Variants in BTD observed in about 807,000 individuals in gnomAD.
BTD encodes biocytinase.
Under a neutral mutation model 17.7 loss-of-function variants are expected in BTD, and 13 were observed. The observed-to-expected ratio is 0.74, with a 90% CI of 0.48 to 1.17. The LOEUF is 1.17. BTD is among the 50% of genes most tolerant of loss of function. BTD has a pLI of 0.00. For synonymous variants in BTD, 240 were observed against 245.2 expected (o/e 0.98, Z 0.20); for missense variants, 674 against 650.4 (o/e 1.04, Z -0.39).
intron 3 of BTD, chr3:15,709,526 T>G: frequency 1.9e-6 from 1 of 523,298 alleles, no homozygotes; most frequent in Non-Finnish European, 3.3e-6. Context: ...TGGAAGTTAC[T>G]GACTTCAGCT....
chr3:15,715,603 T>C (rs144933955), downstream of BTD, among the ~76,000 whole-genome samples: 103 of 152,310 alleles, frequency 6.8e-4, no homozygotes, highest in Non-Finnish European at 1.2e-3. Flanking sequence ...AGAGGATGCA[T>C]GCATGCACAG....
Position 15,615,077 on chromosome 3 carries a change from T to C in BTD, c.-17+13183T>C, listed in dbSNP as rs370212403. Among the ~76,000 whole-genome samples, 82 of 152,328 alleles carry C rather than the reference T, an allele frequency of 5.4e-4. 1 individual carries two copies. In the South Asian group the frequency reaches 8.3e-3, roughly 15 times the overall value. On this transcript the variant is annotated intron_variant, in intron 1 of 3. Transcript: ENST00000643237. ...TTGCTTCCTTGTGTGTTTTGTAATT[T>C]TGAATTTTGAGCTCTTGTTTACCTT...
chr3:15,666,029 A>T lies in BTD; in HGVS notation c.399+23972A>T, dbSNP rs193289807. Among the ~76,000 whole-genome samples the T allele has an allele frequency of 5.9e-5, 9 of 152,312 alleles. No homozygotes were observed. The East Asian group carries it at 1.5e-3, about 26-fold the overall frequency. ...TTGGGGTGGTTAGGTGGCAACAGCA[A>T]CTGAAATGTAAGAAGACATCATTCT... On this transcript the variant is annotated intron_variant, in intron 3 of 3. Coordinates refer to the BTD transcript ENST00000672141.
chr3:15,632,234 C>A (rs2065231320), intron 1 of BTD, among the ~76,000 whole-genome samples: 1 of 152,206 alleles, frequency 6.6e-6, no homozygotes, highest in South Asian at 2.1e-4. Flanking sequence ...CTCATTTCTC[C>A]TTTGTGCTTA....
chr3:15,661,465 G>A (rs1283634749), intron 3 of BTD, among the ~76,000 whole-genome samples: 1 of 152,036 alleles, frequency 6.6e-6, no homozygotes, highest in Non-Finnish European at 1.5e-5. Context: ...TTGGTGAGAT[G>A]CCTGTTAAGG....
intron 3 of BTD, among the ~76,000 whole-genome samples, chr3:15,663,779 T>C (rs1203819943): frequency 6.6e-6 from 1 of 152,244 alleles, no homozygotes; most frequent in African/African-American, 2.4e-5. Flanking sequence ...TTTTGTTGTT[T>C]CTCTACTGAA....
intron 3 of BTD, among the ~76,000 whole-genome samples, chr3:15,702,133 C>G (rs561110769): frequency 4.1e-4 from 63 of 152,300 alleles, no homozygotes; most frequent in Non-Finnish European, 7.4e-4. Flanking sequence ...AAAAAGATTA[C>G]TGACACTAAG....
exon 5 of BTD, among the ~76,000 whole-genome samples, chr3:15,722,226 T>A (rs1425596382): frequency 1.3e-5 from 2 of 152,172 alleles, no homozygotes; most frequent in Non-Finnish European, 2.9e-5. Context: ...CCAGGTATCA[T>A]GTATTTGGAG....
At chr3:15,655,053 A>G (rs1224160821), downstream of BTD, among the ~76,000 whole-genome samples, 3 of 152,184 alleles carry the variant, frequency 2.0e-5, no homozygotes, top group Admixed American at 6.5e-5. Flanking sequence ...TTTAAAAGAC[A>G]TCAGACACGT....
chr3:15,682,903 A>G (rs1202879291), intron 3 of BTD, among the ~76,000 whole-genome samples: 3 of 152,220 alleles, frequency 2.0e-5, no homozygotes, highest in Non-Finnish European at 2.9e-5. Context: ...CAATTTTGCT[A>G]CAGGCTGAAA....
At chr3:15,619,465 T>C (rs766148729) in intron 1 of BTD, among the ~76,000 whole-genome samples, 1 of 152,206 alleles carries the variant, frequency 6.6e-6, no homozygotes, top group Non-Finnish European at 1.5e-5. Context: ...ATTACATAAA[T>C]TGATTTTCAA....
downstream of BTD, chr3:15,714,515 G>A (rs1196899052): frequency 9.0e-7 from 1 of 1,108,582 alleles, no homozygotes; most frequent in Non-Finnish European, 1.2e-6. Flanking sequence ...TTTGGTGGAT[G>A]TTTTTACTAC....
intron 1 of BTD, among the ~76,000 whole-genome samples, chr3:15,610,971 C>T (rs892612051): frequency 1.2e-3 from 171 of 145,046 alleles, no homozygotes; most frequent in African/African-American, 4.2e-3. Flanking sequence ...AAAAAAAAAA[C>T]AGGACTCCAA....
intron 1 of BTD, among the ~76,000 whole-genome samples, chr3:15,613,938 C>CT (rs1472801264): frequency 1.3e-5 from 2 of 152,000 alleles, no homozygotes; most frequent in African/African-American, 2.4e-5. Context: ...CTGGTTGCGT[C>CT]TAAGATTTTT....
intron 1 of BTD, among the ~76,000 whole-genome samples, chr3:15,631,824 A>G (rs994403636): frequency 1.3e-4 from 20 of 152,174 alleles, no homozygotes; most frequent in African/African-American, 4.8e-4. Flanking sequence ...TCACTGGAAG[A>G]GTTTCAGAGG....
At chr3:15,629,340 T>G (rs1268661237) in intron 1 of BTD, among the ~76,000 whole-genome samples, 1 of 152,196 alleles carries the variant, frequency 6.6e-6, no homozygotes, top group African/African-American at 2.4e-5. Context: ...ATTCCATACC[T>G]ACTCAATCAA....
rs565340918 is a variant in BTD, at chr3:15,650,096, T to C, written c.*4608T>C. 2.6e-4 allele frequency among the ~76,000 whole-genome samples: 39 copies of C among 152,240 alleles called. No individual in the cohort carries two copies. The highest frequency in any genetic ancestry group is 4.0e-4 in the Non-Finnish European group (27 of 68,042). On this transcript the variant is annotated 3_prime_UTR_variant, in exon 4 of 4. Transcript: ENST00000643237. The stretch of plus-strand genomic sequence containing the variant: ...GCCAGTGTCCTATTCATCTTTTGTC[T>C]CTGCAGCGTTCAGCATGGCACTGTC...
intron 3 of BTD, among the ~76,000 whole-genome samples, chr3:15,681,454 AG>A (rs2067538363): frequency 6.6e-6 from 1 of 152,208 alleles, no homozygotes; most frequent in Non-Finnish European, 1.5e-5. Context: ...TTCCAGAGCC[AG>A]GGTTTTAATT....
At chr3:15,685,814 T>C (rs2068049210) in intron 3 of BTD, among the ~76,000 whole-genome samples, 1 of 152,230 alleles carries the variant, frequency 6.6e-6, no homozygotes, top group Non-Finnish European at 1.5e-5. Flanking sequence ...GTTCTAACAT[T>C]GTTCTCTAGA....
Sources: allele counts gnomAD v4.1 joint callset (sites outside exome capture counted in the v4.1 genomes callset), GRCh38; gene constraint gnomAD v4.1.1; transcripts MANE v1.5; gene names NCBI Gene and HGNC (gene_info 2026-07-23, HGNC 2026-07-21).